BCAS3: variants seen among roughly 807,000 people sequenced by gnomAD.
The protein encoded by BCAS3 is BCAS4/BCAS3 fusion.
BCAS3 carries 53 observed loss-of-function variants against 116.1 expected under a neutral mutation model. That is an observed-to-expected ratio of 0.46 (90% confidence interval 0.37 to 0.57). The LOEUF (loss-of-function observed/expected upper bound fraction) is 0.57. BCAS3 is among the 20% of genes least tolerant of loss of function. BCAS3 has a pLI of 0.00. For synonymous variants in BCAS3, 391 were observed against 408.2 expected (o/e 0.96, Z 0.51); for missense variants, 917 against 1,165.4 (o/e 0.79, Z 3.10).
rs1313028650 is a variant in BCAS3 at position 61,208,608 on chromosome 17, C to T, written c.2425+124044C>T. On this transcript the variant is annotated intron_variant, in intron 22 of 23. Transcript: ENST00000407086. This position sits in a 1 kb window ranked among gnomAD's most constrained non-coding sequence, Gnocchi z 4.5. ...ATCCCAAATGCTAATATCAGAGACT[C>T]TCTTTTAAAGCTACTAGGTCCACGC... is the stretch of plus-strand genomic sequence containing the variant. Among the ~76,000 whole-genome samples, 3 of 152,128 alleles carry T rather than the reference C, an allele frequency of 2.0e-5. No homozygotes were observed. The East Asian group carries it at 5.8e-4, about 29-fold the overall frequency.
intron 7 of BCAS3, among the ~76,000 whole-genome samples, chr17:60,825,186 G>A (rs998730507): frequency 2.7e-5 from 4 of 150,900 alleles, no homozygotes; most frequent in African/African-American, 7.3e-5. Context: ...AAAAAAATTA[G>A]GTTGTGTTGC....
In BCAS3 at chr17:61,355,318, G is replaced by A. The variant is rs749255576; in HGVS notation, c.2426-13009G>A. Among the ~76,000 whole-genome samples, 2 of 152,148 alleles carry A rather than the reference G, an allele frequency of 1.3e-5. No homozygotes were observed. Among genetic ancestry groups the A allele is most frequent in the African/African-American group, 2.4e-5 (1 of 41,428 alleles). ...GTTTCAGACTTCAAAGTTCTCAGTT[G>A]AGAGCCTCGTGTTTGACTTATTTGT... On this transcript the variant is annotated intron_variant, in intron 22 of 23. Coordinates refer to ENST00000407086, the MANE Select transcript of BCAS3 (RefSeq NM_017679.5). The surrounding 1 kb of genome is among the most constrained non-coding windows in gnomAD (Gnocchi z 4.2).
At chr17:61,298,610 G>T (rs1327254915) in intron 22 of BCAS3, among the ~76,000 whole-genome samples, 1 of 151,908 alleles carries the variant, frequency 6.6e-6, no homozygotes, top group East Asian at 1.9e-4. Flanking sequence ...GAGATCCTCG[G>T]GAAGGCCCAC....
intron 22 of BCAS3, among the ~76,000 whole-genome samples, chr17:61,185,529 T>TA (rs1387865286): frequency 6.6e-6 from 1 of 152,098 alleles, no homozygotes; most frequent in Non-Finnish European, 1.5e-5. Context: ...AACTGACAAT[T>TA]ACAGTGGTTG....
At chr17:61,298,966 G>T (rs1396343936) in intron 22 of BCAS3, among the ~76,000 whole-genome samples, 1 of 151,852 alleles carries the variant, frequency 6.6e-6, no homozygotes, top group African/African-American at 2.4e-5. Flanking sequence ...GGGATGAGAG[G>T]CACCCTGCAC....
At chr17:61,272,022 C>G (rs761550267) in intron 22 of BCAS3, among the ~76,000 whole-genome samples, 184 of 150,470 alleles carry the variant, frequency 1.2e-3, no homozygotes, top group Non-Finnish European at 2.1e-3. Context: ...GTTGCCCAGG[C>G]TGGTCTTGAA....
At chr17:60,741,898 T>C (rs973395264) in intron 5 of BCAS3, among the ~76,000 whole-genome samples, 1 of 152,192 alleles carries the variant, frequency 6.6e-6, no homozygotes, top group Non-Finnish European at 1.5e-5. Flanking sequence ...CTAAAAGACA[T>C]TTGTGAGAAT....
intron 6 of BCAS3, among the ~76,000 whole-genome samples, chr17:60,799,708 CTTTTT>C (rs67510415): frequency 0.012 from 616 of 49,816 alleles, 7 homozygotes; most frequent in African/African-American, 0.045. Context: ...TTTTTCTTTT[CTTTTT>C]TTTTTTTTTT....
chr17:60,725,927 CT>C (rs2039786378), intron 5 of BCAS3, among the ~76,000 whole-genome samples: 1 of 152,006 alleles, frequency 6.6e-6, no homozygotes, highest in Non-Finnish European at 1.5e-5. Context: ...CGGAGTTTCG[CT>C]CTTGTTGCCC....
chr17:61,117,630 A>G (rs776434094), intron 22 of BCAS3, among the ~76,000 whole-genome samples: 1 of 152,066 alleles, frequency 6.6e-6, no homozygotes, highest in Non-Finnish European at 1.5e-5. Flanking sequence ...TAAAAATTCC[A>G]CTTCATTCTT....
At chr17:61,178,898 T>C (rs1441280236) in intron 22 of BCAS3, among the ~76,000 whole-genome samples, 5 of 152,162 alleles carry the variant, frequency 3.3e-5, no homozygotes. Flanking sequence ...TGCAAAGTAA[T>C]GAGCATCGGT....
chr17:60,829,535 G>A (rs1214829123), intron 7 of BCAS3, among the ~76,000 whole-genome samples: 1 of 151,718 alleles, frequency 6.6e-6, no homozygotes, highest in Non-Finnish European at 1.5e-5. Flanking sequence ...GATAAAGTTG[G>A]ACAGGACAGT....
rs749417244 is a variant in BCAS3 at position 61,162,339 on chromosome 17, C to A, written c.2425+77775C>A. ...CATTTCTCAGGAGAAGGAGAGCTTGCGAATGGAAGGGGTGTTCCTGCCAGC... is the reference window on the plus strand; with the variant it reads ...CATTTCTCAGGAGAAGGAGAGCTTGAGAATGGAAGGGGTGTTCCTGCCAGC... On this transcript the variant is annotated intron_variant, in intron 22 of 23. Transcript: ENST00000407086. This position sits in a 1 kb window ranked among gnomAD's most constrained non-coding sequence, Gnocchi z 5.6. 1.3e-5 allele frequency among the ~76,000 whole-genome samples: 2 copies of A among 152,044 alleles called. No individual in the cohort carries two copies. Among genetic ancestry groups the A allele is most frequent in the Non-Finnish European group, 2.9e-5 (2 of 68,010 alleles).
At chr17:60,852,971 C>T (rs568542875) in intron 7 of BCAS3, among the ~76,000 whole-genome samples, 11 of 152,186 alleles carry the variant, frequency 7.2e-5, no homozygotes, top group African/African-American at 1.2e-4. Context: ...TTGAAACTTA[C>T]GTCCTCCCAA....
chr17:61,042,060 C>T (rs749917190), intron 19 of BCAS3, among the ~76,000 whole-genome samples: 6 of 151,872 alleles, frequency 4.0e-5, no homozygotes, highest in Non-Finnish European at 5.9e-5. Flanking sequence ...GCATCACAGA[C>T]GGGTGATATG....
rs1219729219 is a variant in BCAS3 at position 61,352,374 on chromosome 17, T to C, written c.2426-15953T>C. 1.3e-5 allele frequency among the ~76,000 whole-genome samples: 2 copies of C among 152,242 alleles called. No individual in the cohort carries two copies. Among genetic ancestry groups the C allele is most frequent in the African/African-American group, 4.8e-5 (2 of 41,456 alleles). On this transcript the variant is annotated intron_variant, in intron 22 of 23. Transcript: ENST00000407086. The surrounding 1 kb of genome is among the most constrained non-coding windows in gnomAD (Gnocchi z 4.7). ...CACCCTGGGCTGACTATAAATCTGCTCCTTGCCTGAGTATAGCAGAAACAA... is the reference window on the plus strand; with the variant it reads ...CACCCTGGGCTGACTATAAATCTGCCCCTTGCCTGAGTATAGCAGAAACAA...
chr17:61,183,965 A>G (rs2079622113), intron 22 of BCAS3, among the ~76,000 whole-genome samples: 1 of 152,192 alleles, frequency 6.6e-6, no homozygotes, highest in Non-Finnish European at 1.5e-5. Context: ...AATGCAGAAG[A>G]ATTTTTAAAG....
chr17:61,143,088 T>C (rs1449943626), intron 22 of BCAS3, among the ~76,000 whole-genome samples: 1 of 152,206 alleles, frequency 6.6e-6, no homozygotes, highest in Admixed American at 6.5e-5. Context: ...AATGCCCATA[T>C]AGCTACAGTA....
intron 22 of BCAS3, among the ~76,000 whole-genome samples, chr17:61,232,154 G>A (rs73326888): frequency 0.36 from 47,539 of 131,844 alleles, 11,975 homozygotes; most frequent in African/African-American, 0.73. Flanking sequence ...GCAGTGAGCC[G>A]AGATCACACC....
Sources: gnomAD v4.1 joint callset for allele counts (sites outside exome capture counted in the v4.1 genomes callset) on GRCh38, gnomAD v4.1.1 for gene constraint, Gnocchi (gnomAD v3.1) non-coding constraint, MANE v1.5 for transcripts, NCBI Gene and HGNC (gene_info 2026-07-23, HGNC 2026-07-21) for gene names.